The following LRP11 variants were observed in gnomAD, a reference collection of about 807,000 sequenced individuals.
LRP11 encodes the protein LDL receptor related protein 11.
LRP11 carries 25 observed loss-of-function variants against 43.1 expected under a neutral mutation model. The ratio of observed to expected loss-of-function variants is 0.58; its 90% CI spans 0.42 to 0.81. The LOEUF is 0.81. LRP11 is among the 30% of genes least tolerant of loss of function. LRP11 has a pLI of 0.00. For missense variants in LRP11, 623 were observed against 665.1 expected (o/e 0.94, Z 0.70); for synonymous variants, 316 against 299.4 (o/e 1.06, Z -0.57).
chr6:149,845,875 T>TA (rs1218647765), intron 2 of LRP11, among the ~76,000 whole-genome samples: 5 of 152,006 alleles, frequency 3.3e-5, no homozygotes, highest in Admixed American at 1.3e-4. Context: ...AGATTGCATT[T>TA]AATGATCCTT....
intron 3 of LRP11, chr6:149,842,595 T>A: frequency 6.5e-7 from 1 of 1,539,786 alleles, no homozygotes; most frequent in South Asian, 1.2e-5. Flanking sequence ...GCCATTCCAC[T>A]CTCTGCTTCC....
intron 5 of LRP11, among the ~76,000 whole-genome samples, chr6:149,832,527 G>C (rs529739302): frequency 6.6e-6 from 1 of 152,136 alleles, no homozygotes; most frequent in African/African-American, 2.4e-5. Context: ...GTCTGTGCAG[G>C]AAGGAGGCAG....
At chr6:149,834,563 C>T in intron 5 of LRP11, among the ~76,000 whole-genome samples, 1 of 152,248 alleles carries the variant, frequency 6.6e-6, no homozygotes, top group Non-Finnish European at 1.5e-5. Flanking sequence ...CTCTTCACCC[C>T]TTCGGCAGTC....
Position 149,827,259 on chromosome 6 carries a change from G to A in LRP11, c.1253-900C>T, listed in dbSNP as rs1776352519. Among the ~76,000 whole-genome samples the A allele has an allele frequency of 6.6e-6, 1 of 151,926 alleles. No individual in the cohort carries two copies. Among genetic ancestry groups the A allele is most frequent in the African/African-American group, 2.4e-5 (1 of 41,346 alleles). ...GAGCCACCATGCCCAGCCTTAAGTG[G>A]GATTTTTGAGTATTACAATGCTTAA... On this transcript the variant is annotated intron_variant, in intron 5 of 6. Transcript: ENST00000239367. The surrounding 1 kb of genome is among the most constrained non-coding windows in gnomAD (Gnocchi z 4.2).
chr6:149,854,245 C>T (rs750488419), intron 1 of LRP11, among the ~76,000 whole-genome samples: 6 of 152,046 alleles, frequency 3.9e-5, no homozygotes, highest in Non-Finnish European at 7.4e-5. Flanking sequence ...CTTAGCCTCC[C>T]GAGTAGTTAG....
chr6:149,853,128 G>T lies in LRP11; in HGVS notation c.646C>A (p.Gln216Lys). ...GTGGGCAGATGCAGAACCACATCCTGCCCAGCCTTGCTAAGTGGAGGCGCA... is the reference window on the plus strand; with the variant it reads ...GTGGGCAGATGCAGAACCACATCCTTCCCAGCCTTGCTAAGTGGAGGCGCA... ...KDAPPLSKAG[Q>K]DVVLHLPTDG... Residue 216 changes from glutamine to lysine, a missense_variant, in exon 2 of 7, where the codon CAG becomes AAG. Transcript: ENST00000239367. 1.2e-6 allele frequency: 2 copies of T among 1,605,696 alleles called. No homozygotes were observed. The highest frequency in any genetic ancestry group is 2.2e-5 in the South Asian group (2 of 89,568).
At chr6:149,842,750 A>T in intron 3 of LRP11, 5 of 1,422,774 alleles carry the variant, frequency 3.5e-6, no homozygotes, top group Non-Finnish European at 4.8e-6. Context: ...AAGCGGGAGC[A>T]TCTCTTCTCA....
At position 149,828,641 on chromosome 6, in the gene LRP11, A is replaced by C. The variant is rs564257905; in HGVS notation, c.1253-2282T>G. Among the ~76,000 whole-genome samples the C allele has an allele frequency of 2.6e-5, 4 of 151,948 alleles. No individual in the cohort carries two copies. The East Asian group carries it at 7.7e-4, about 29-fold the overall frequency. ...CTAACTGGGACTACAGGTAAGCATCACCACACCTGACTAATTTTTCTATTT... is the reference window on the plus strand; with the variant it reads ...CTAACTGGGACTACAGGTAAGCATCCCCACACCTGACTAATTTTTCTATTT... On this transcript the variant is annotated intron_variant, in intron 5 of 6. Coordinates refer to ENST00000239367, the MANE Select transcript of LRP11 (RefSeq NM_032832.6).
chr6:149,824,656 T>G (rs1472156563), intron 6 of LRP11, among the ~76,000 whole-genome samples: 1 of 151,974 alleles, frequency 6.6e-6, no homozygotes, highest in Non-Finnish European at 1.5e-5. Context: ...GTCAGAAGTT[T>G]TGAGACCAGC....
At chr6:149,856,317 G>A (rs1007436766) in intron 1 of LRP11, among the ~76,000 whole-genome samples, 1 of 152,104 alleles carries the variant, frequency 6.6e-6, no homozygotes, top group African/African-American at 2.4e-5. Context: ...TTTTATTTAG[G>A]TGAGCTTTAA....
At chr6:149,848,204 AAAAC>A in intron 2 of LRP11, among the ~76,000 whole-genome samples, 1 of 148,312 alleles carries the variant, frequency 6.7e-6, no homozygotes, top group Non-Finnish European at 1.5e-5. Context: ...CAAAACAAAA[AAAAC>A]CCCACCAGAT....
At chr6:149,820,846 T>A in intron 6 of LRP11, 143 bp from the exon 7 acceptor site, 1 of 556,660 alleles carries the variant, frequency 1.8e-6, no homozygotes, top group Non-Finnish European at 3.2e-6. Context: ...ATTTTGCAGA[T>A]TAACTAAGGT....
At chr6:149,862,249 T>C (rs908751356) in intron 1 of LRP11, among the ~76,000 whole-genome samples, 2 of 152,178 alleles carry the variant, frequency 1.3e-5, no homozygotes, top group Non-Finnish European at 2.9e-5. Flanking sequence ...GACACAGATT[T>C]CCAGACTCTT....
At position 149,864,254 on chromosome 6, in the gene LRP11, G is replaced by A; in HGVS notation, c.-234C>T. The A allele has an allele frequency of 9.3e-7, 1 of 1,078,044 alleles. No homozygotes were observed. The highest frequency in any genetic ancestry group is 1.1e-6 in the Non-Finnish European group (1 of 891,324). 66.8% of individuals were successfully genotyped at this position (1,078,044 alleles called of 1,614,324 possible). ...CAGCCGGGCACCGCTCCTTGCCCTC[G>A]CCGGAGACTGCCCAGCGCCCTGCGC... On this transcript the variant is annotated 5_prime_UTR_variant, in exon 1 of 7. Coordinates refer to ENST00000239367, the MANE Select transcript of LRP11 (RefSeq NM_032832.6).
chr6:149,841,577 A>G (rs1776547841), intron 3 of LRP11, among the ~76,000 whole-genome samples: 1 of 152,144 alleles, frequency 6.6e-6, no homozygotes. Context: ...GTTCCATGCA[A>G]TGGATATTTT....
chr6:149,825,657 A>ATTT (rs3036632), intron 6 of LRP11, among the ~76,000 whole-genome samples: 1 of 141,618 alleles, frequency 7.1e-6, no homozygotes. Context: ...GTAAGTGAGA[A>ATTT]TTTTTTTTTT....
chr6:149,863,384 C>G, intron 1 of LRP11, 24 bp downstream of exon 1: 1 of 1,332,618 alleles, frequency 7.5e-7, no homozygotes, highest in Non-Finnish European at 9.6e-7. Flanking sequence ...CTGGCCAAGG[C>G]CGGCCCCTCA....
chr6:149,863,270 A>G, intron 1 of LRP11, 138 bp downstream of exon 1: 1 of 1,215,154 alleles, frequency 8.2e-7, no homozygotes, highest in Non-Finnish European at 1.0e-6. Flanking sequence ...CCTAAGACAG[A>G]GAAACCCATG....
intron 3 of LRP11, among the ~76,000 whole-genome samples, chr6:149,842,276 AC>A (rs1375851025): frequency 6.6e-6 from 1 of 152,028 alleles, no homozygotes; most frequent in Non-Finnish European, 1.5e-5. Context: ...TTTTTAATTG[AC>A]AAAAGAGGAG....
Sources: gnomAD v4.1 joint callset for allele counts (sites outside exome capture counted in the v4.1 genomes callset) on GRCh38, gnomAD v4.1.1 for gene constraint, Gnocchi (gnomAD v3.1) non-coding constraint, MANE v1.5 for transcripts, NCBI Gene and HGNC (gene_info 2026-07-23, HGNC 2026-07-21) for gene names.